Variants in SFI1 observed in about 807,000 individuals in gnomAD.
The protein encoded by SFI1 is SFI1 centrin binding protein.
SFI1 carries 195 observed loss-of-function variants against 207.5 expected under a neutral mutation model. The ratio of observed to expected loss-of-function variants is 0.94; its 90% CI spans 0.84 to 1.06. The LOEUF (loss-of-function observed/expected upper bound fraction) is 1.06, where lower values mean the gene tolerates loss of function less well. Ranked by LOEUF, SFI1 falls within the 50% of genes least tolerant of loss-of-function variation. SFI1 has a pLI of 0.00. For synonymous variants in SFI1, 630 were observed against 598.9 expected (o/e 1.05, Z -0.76); for missense variants, 1,634 against 1,588.0 (o/e 1.03, Z -0.49).
Position 31,602,589 on chromosome 22 carries a change from C to T in SFI1, c.1627-18C>T. On this transcript the variant is annotated intron_variant, in intron 16 of 32. Transcript: ENST00000400288. The stretch of plus-strand genomic sequence containing the variant: ...CCTACTTGATTTATTCTGTTCTCTC[C>T]TTCCTGTCCTGCCTCAGGCCATCCT... The T allele has an allele frequency of 2.5e-6, 4 of 1,613,452 alleles. No individual in the cohort carries two copies. The highest frequency in any genetic ancestry group is 3.4e-6 in the Non-Finnish European group (4 of 1,179,578).
rs567426955 is a variant in SFI1, at chr22:31,582,452, G to A, written c.1249-1423G>A. Among the ~76,000 whole-genome samples, 5 of 150,098 alleles carry A rather than the reference G, an allele frequency of 3.3e-5. No homozygotes were observed. In the South Asian group the frequency reaches 6.3e-4, roughly 19 times the overall value. On this transcript the variant is annotated intron_variant, in intron 12 of 32. Coordinates refer to ENST00000400288, the MANE Select transcript of SFI1 (RefSeq NM_001007467.3). The stretch of plus-strand genomic sequence containing the variant: ...TTTTTAGTAGAGATGGGGTTTCACC[G>A]TGTTGGCCAGGCTGGTCTCAAACTC...
At position 31,528,255 on chromosome 22, in the gene SFI1, T is replaced by TA. The variant is rs941960487; in HGVS notation, c.93-424dup. The stretch of plus-strand genomic sequence containing the variant: ...GGCAACACAGTGAGACCTCATCTCT[T>TA]AAAAAAAAAAATTATCAGGACACAG... On this transcript the variant is annotated intron_variant, in intron 2 of 32. Coordinates refer to ENST00000400288, the MANE Select transcript of SFI1 (RefSeq NM_001007467.3). Among the ~76,000 whole-genome samples the TA allele has an allele frequency of 1.9e-4, 28 of 147,902 alleles. No individual in the cohort carries two copies. In the East Asian group the frequency reaches 2.0e-3, roughly 10 times the overall value.
At chr22:31,540,656 C>G (rs898090668) in intron 4 of SFI1, among the ~76,000 whole-genome samples, 1 of 151,900 alleles carries the variant, frequency 6.6e-6, no homozygotes, top group African/African-American at 2.4e-5. Flanking sequence ...TCTCGGCTCA[C>G]TGCAACCGCC....
intron 21 of SFI1, chr22:31,607,677 C>G (rs1203673939): frequency 9.2e-6 from 2 of 218,332 alleles, no homozygotes; most frequent in Admixed American, 5.2e-5. Flanking sequence ...AATGACTTCA[C>G]TACTTTATGG....
chr22:31,613,241 A>G, intron 25 of SFI1, 25 bp downstream of exon 25: 1 of 1,613,228 alleles, frequency 6.2e-7, no homozygotes, highest in Non-Finnish European at 8.5e-7. Context: ...GCATCCTACC[A>G]TCCCTGCCTC....
intron 15 of SFI1, among the ~76,000 whole-genome samples, chr22:31,593,171 C>T (rs185079005): frequency 0.71 from 103,732 of 145,864 alleles, 37,218 homozygotes; most frequent in Non-Finnish European, 0.76. Flanking sequence ...GGGTGGCTGC[C>T]GGGCGGAGAC....
At chr22:31,561,423 C>T in intron 8 of SFI1, 31 bp downstream of exon 8, 1 of 1,584,604 alleles carries the variant, frequency 6.3e-7, no homozygotes, top group Non-Finnish European at 8.6e-7. Flanking sequence ...ATTTGGCATC[C>T]TCTGTCAGTG....
chr22:31,524,941 C>A (rs561059003), intron 2 of SFI1, among the ~76,000 whole-genome samples: 1 of 152,094 alleles, frequency 6.6e-6, no homozygotes, highest in African/African-American at 2.4e-5. Flanking sequence ...ATTACAGGTG[C>A]ATGCCACCAC....
At chr22:31,549,288 TAAAAAA>T (rs59382278) in intron 5 of SFI1, among the ~76,000 whole-genome samples, 26 of 37,216 alleles carry the variant, frequency 7.0e-4, no homozygotes, top group East Asian at 3.3e-3. Flanking sequence ...AGACCCTGTG[TAAAAAA>T]AAAAAAAAAA....
At position 31,607,985 on chromosome 22, in the gene SFI1, C is replaced by T; in HGVS notation, c.2206C>T (p.Gln736Ter). The change falls in exon 22 of 33, where the codon CAG becomes TAG. Residue 736 changes from glutamine to a stop codon, truncating the protein, a stop_gained. Coordinates refer to ENST00000400288, the MANE Select transcript of SFI1 (RefSeq NM_001007467.3). LOFTEE classifies it high-confidence loss of function. ...EAVSVQMYYR[Q>*]QEDCAIWEAQ... ...TGTGTCAGTGCAGATGTATTACCGACAGCAGGAGGACTGTGCCATCTGGGA... is the reference window on the plus strand; with the variant it reads ...TGTGTCAGTGCAGATGTATTACCGATAGCAGGAGGACTGTGCCATCTGGGA... The T allele has an allele frequency of 1.2e-6, 2 of 1,614,004 alleles. No homozygotes were observed. Among genetic ancestry groups the T allele is most frequent in the Non-Finnish European group, 1.7e-6 (2 of 1,179,940 alleles).
At chr22:31,588,259 A>G (rs1432586813) in intron 14 of SFI1, among the ~76,000 whole-genome samples, 1 of 152,250 alleles carries the variant, frequency 6.6e-6, no homozygotes, top group African/African-American at 2.4e-5. Context: ...GAACCTGTGT[A>G]TGACCTCTCT....
intron 2 of SFI1, among the ~76,000 whole-genome samples, chr22:31,520,517 A>G (rs570539085): frequency 4.6e-5 from 7 of 152,246 alleles, no homozygotes; most frequent in Non-Finnish European, 7.4e-5. Flanking sequence ...CAAGTGTGCA[A>G]TTCAATGGCT....
intron 20 of SFI1, chr22:31,605,983 A>G (rs1603336292): frequency 7.7e-6 from 2 of 259,100 alleles, no homozygotes. Context: ...GGCGTAGGCA[A>G]CCTTCCTCCA....
chr22:31,530,805 T>C (rs2058446331), intron 3 of SFI1: 2 of 500,726 alleles, frequency 4.0e-6, no homozygotes, highest in South Asian at 4.3e-5. Flanking sequence ...TACCTCATTT[T>C]TGAAGTTTTT....
intron 15 of SFI1, among the ~76,000 whole-genome samples, chr22:31,598,898 A>C (rs1331571568): frequency 7.2e-6 from 1 of 138,902 alleles, no homozygotes; most frequent in Non-Finnish European, 1.5e-5. Context: ...GGTTCAAGCA[A>C]CTCTCCTGCC....
intron 20 of SFI1, chr22:31,605,642 G>C (rs1165660452): frequency 6.6e-6 from 1 of 152,496 alleles, no homozygotes; most frequent in Non-Finnish European, 1.5e-5. Flanking sequence ...GACACCAGGA[G>C]TTTCAGACCA....
intron 5 of SFI1, among the ~76,000 whole-genome samples, chr22:31,548,869 T>G (rs542543882): frequency 6.6e-4 from 100 of 151,892 alleles, no homozygotes; most frequent in Admixed American, 1.2e-3. Flanking sequence ...TAGGAAAATA[T>G]GAAGAGATGA....
intron 6 of SFI1, among the ~76,000 whole-genome samples, chr22:31,552,295 C>T (rs565284811): frequency 6.6e-6 from 1 of 152,188 alleles, no homozygotes; most frequent in African/African-American, 2.4e-5. Context: ...CTCTGTCACC[C>T]AGGCTGGAGT....
chr22:31,528,123 TA>T (rs1302009245), intron 2 of SFI1, among the ~76,000 whole-genome samples: 1 of 147,314 alleles, frequency 6.8e-6, no homozygotes, highest in East Asian at 2.0e-4. Context: ...AAAAAAATAA[TA>T]AAAATAAAAA....
Sources: gnomAD v4.1 joint callset for allele counts (sites outside exome capture counted in the v4.1 genomes callset) on GRCh38, gnomAD v4.1.1 for gene constraint, MANE v1.5 for transcripts, NCBI Gene and HGNC (gene_info 2026-07-23, HGNC 2026-07-21) for gene names.